The following ACOT7 variants were observed in gnomAD, a reference collection of about 807,000 sequenced individuals.
The protein encoded by ACOT7 is acyl-CoA thioesterase 7, also known as cytosolic acyl coenzyme A thioester hydrolase.
Under a neutral mutation model 40.2 loss-of-function variants are expected in ACOT7, and 12 were observed. The observed-to-expected ratio is 0.30, with a 90% CI of 0.19 to 0.48. The LOEUF is 0.48. Among genes scored for constraint, ACOT7 ranks in the 20% least tolerant of loss-of-function variants. The pLI, the probability that ACOT7 is intolerant of heterozygous loss-of-function variation, is 0.99. For missense variants in ACOT7, 395 were observed against 530.8 expected, an observed-to-expected ratio of 0.74 and a Z score of 2.51; for synonymous variants, 228 against 219.5, an observed-to-expected ratio of 1.04 and a Z score of -0.34.
intron 2 of ACOT7, among the ~76,000 whole-genome samples, chr1:6,346,584 C>T (rs1338158788): frequency 2.0e-5 from 3 of 152,214 alleles, no homozygotes; most frequent in Non-Finnish European, 4.4e-5. Context: ...CTCGTGCGGA[C>T]GTGCCTTTGG....
chr1:6,269,325 G>A (rs1275359439), intron 8 of ACOT7, among the ~76,000 whole-genome samples: 3 of 152,200 alleles, frequency 2.0e-5, no homozygotes, highest in African/African-American at 4.8e-5. Flanking sequence ...AGGGTCAGGG[G>A]CTTCCCTGCC....
chr1:6,333,392 T>G (rs574115062), intron 4 of ACOT7, 85 bp downstream of exon 4: 1 of 1,487,726 alleles, frequency 6.7e-7, no homozygotes. Context: ...TTGAGACCCT[T>G]AGCTGAACGA....
rs147677798 is a variant in ACOT7, at chr1:6,275,974, C to A, written c.1014+5128G>T. Among the ~76,000 whole-genome samples, 24 of 152,316 alleles carry A rather than the reference C, an allele frequency of 1.6e-4. No individual in the cohort carries two copies. Among genetic ancestry groups the A allele is most frequent in the Non-Finnish European group, 2.8e-4 (19 of 68,032 alleles). ...AGCCTCGGCTAATCTGGGGACACAT[C>A]CCCTCCCCAGTGTGCCCAGGAAGCA... On this transcript the variant is annotated intron_variant, in intron 8 of 8. Coordinates refer to ENST00000361521, the MANE Select transcript of ACOT7 (RefSeq NM_007274.4). This position sits in a 1 kb window ranked among gnomAD's most constrained non-coding sequence, Gnocchi z 5.6.
At position 6,278,837 on chromosome 1, in the gene ACOT7, G is replaced by T. The variant is rs765550523; in HGVS notation, c.1014+2265C>A. 5.9e-5 allele frequency among the ~76,000 whole-genome samples: 9 copies of T among 152,208 alleles called. No homozygotes were observed. Among genetic ancestry groups the T allele is most frequent in the Non-Finnish European group, 1.0e-4 (7 of 68,044 alleles). ...GAGCGCAGGCTTCACTGAGGGCCTG[G>T]TCAGCTGTGCTACAGACAGGGAGCG... On this transcript the variant is annotated intron_variant, in intron 8 of 8. Coordinates refer to ENST00000361521, the MANE Select transcript of ACOT7 (RefSeq NM_007274.4). The surrounding 1 kb of genome is among the most constrained non-coding windows in gnomAD (Gnocchi z 4.1).
At chr1:6,335,719 G>T (rs1571318951) in intron 3 of ACOT7, among the ~76,000 whole-genome samples, 1 of 152,298 alleles carries the variant, frequency 6.6e-6, no homozygotes, top group East Asian at 1.9e-4. Context: ...TCAAGCCCCA[G>T]GGGGCCCATT....
rs930214558 is a variant in ACOT7, at chr1:6,299,998, G to A, written c.713-5018C>T. Among the ~76,000 whole-genome samples, 5 of 152,198 alleles carry A rather than the reference G, an allele frequency of 3.3e-5. No individual in the cohort carries two copies. The highest frequency in any genetic ancestry group is 6.5e-5 in the Admixed American group (1 of 15,286). On this transcript the variant is annotated intron_variant, in intron 6 of 8. Transcript: ENST00000361521. The surrounding 1 kb of genome is among the most constrained non-coding windows in gnomAD (Gnocchi z 4.1). ...ATTTATATTCAGAAAATGGCAACCT[G>A]GTGATGAAGTGACAACAGCTGAGCA...
At position 6,299,640 on chromosome 1, in the gene ACOT7, CAG is replaced by C. The variant is rs57181755; in HGVS notation, c.713-4662_713-4661del. Among the ~76,000 whole-genome samples the C allele has an allele frequency of 0.094, 13,748 of 146,610 alleles. 1,010 individuals are homozygous for C. Among genetic ancestry groups the C allele is most frequent in the African/African-American group, 0.21 (8,542 of 40,686 alleles). On this transcript the variant is annotated intron_variant, in intron 6 of 8. Coordinates refer to ENST00000361521, the MANE Select transcript of ACOT7 (RefSeq NM_007274.4). This position sits in a 1 kb window ranked among gnomAD's most constrained non-coding sequence, Gnocchi z 4.1. ...CTGACTAGGTACTAGGTCATGGCTT[CAG>C]AGAGAGAGAGAGAGAGAGCGCAAGT...
intron 6 of ACOT7, among the ~76,000 whole-genome samples, chr1:6,313,074 C>G (rs1276704321): frequency 6.6e-6 from 1 of 152,154 alleles, no homozygotes; most frequent in African/African-American, 2.4e-5. Flanking sequence ...CTGGGGTGAC[C>G]CCAGTGAGCC....
At chr1:6,329,633 C>T (rs1640901048) in intron 4 of ACOT7, among the ~76,000 whole-genome samples, 1 of 152,048 alleles carries the variant, frequency 6.6e-6, no homozygotes, top group South Asian at 2.1e-4. Flanking sequence ...GCCTCCTCCC[C>T]AATGCTGCCT....
At chr1:6,369,446 G>A (rs1405777763) in intron 1 of ACOT7, among the ~76,000 whole-genome samples, 7 of 123,602 alleles carry the variant, frequency 5.7e-5, no homozygotes, top group African/African-American at 9.7e-5. Context: ...TCACTCTGTC[G>A]CCCAGGCTGG....
rs1390117030 is a variant in ACOT7 at position 6,359,797 on chromosome 1, G to C, written c.144-9931C>G. ...CTGTGACCAGCAAGGGAAATGGAAA[G>C]TCCCCAGCCAGAGTGCAGGCCGCAC... On this transcript the variant is annotated intron_variant, in intron 1 of 8. Coordinates refer to ENST00000361521, the MANE Select transcript of ACOT7 (RefSeq NM_007274.4). This position sits in a 1 kb window ranked among gnomAD's most constrained non-coding sequence, Gnocchi z 4.1. Among the ~76,000 whole-genome samples the C allele has an allele frequency of 6.6e-6, 1 of 152,230 alleles. No individual in the cohort carries two copies. The highest frequency in any genetic ancestry group is 1.5e-5 in the Non-Finnish European group (1 of 68,050).
rs969477934 is a variant in ACOT7 at position 6,294,166 on chromosome 1, G to C, written c.829+698C>G. Reference sequence around the variant, plus strand: ...CTGTGAGGCAGTGCTGCTGCAGGGGGTGCACGGCCTCATCTCAGCAGACGT... The same window carrying C: ...CTGTGAGGCAGTGCTGCTGCAGGGGCTGCACGGCCTCATCTCAGCAGACGT... On this transcript the variant is annotated intron_variant, in intron 7 of 8. Transcript: ENST00000361521. The surrounding 1 kb of genome is among the most constrained non-coding windows in gnomAD (Gnocchi z 4.6). 6.6e-6 allele frequency among the ~76,000 whole-genome samples: 1 copy of C among 152,234 alleles called. No individual in the cohort carries two copies. Among genetic ancestry groups the C allele is most frequent in the African/African-American group, 2.4e-5 (1 of 41,464 alleles).
At chr1:6,342,100 C>T (rs1641292562) in intron 2 of ACOT7, among the ~76,000 whole-genome samples, 1 of 152,220 alleles carries the variant, frequency 6.6e-6, no homozygotes, top group South Asian at 2.1e-4. Context: ...TTATTTCTCA[C>T]AGTCCTGGAG....
At position 6,393,532 on chromosome 1, in the gene ACOT7, G is replaced by A. The variant is rs908562189; in HGVS notation, c.-133C>T. ...CACCCCGAGCCCCGCCTCCCAGGCC[G>A]CCAAGGCTGCAGAGAGCTCGCGCGG... On this transcript the variant is annotated 5_prime_UTR_variant, in exon 1 of 9. Coordinates refer to ENST00000361521, the MANE Select transcript of ACOT7 (RefSeq NM_007274.4). 1.5e-5 allele frequency: 12 copies of A among 815,296 alleles called. No individual in the cohort carries two copies. The highest frequency in any genetic ancestry group is 1.5e-4 in the African/African-American group (8 of 55,126). The allele number at this position is 815,296 out of a possible 1,614,324, so 50.5% of individuals were successfully genotyped here. A position where few individuals can be genotyped will look rare whatever the true frequency, so the allele number is the denominator to read the frequency against.
chr1:6,279,900 C>G (rs1639303765), intron 8 of ACOT7, among the ~76,000 whole-genome samples: 1 of 152,194 alleles, frequency 6.6e-6, no homozygotes, highest in Non-Finnish European at 1.5e-5. Flanking sequence ...GACTCGGCGG[C>G]CCTCCTCAGC....
intron 7 of ACOT7, 45 bp from the exon 8 acceptor site, chr1:6,281,331 G>A (rs779303400): frequency 2.7e-5 from 42 of 1,563,304 alleles, no homozygotes; most frequent in African/African-American, 1.7e-4. Flanking sequence ...TCCACCCCAC[G>A]GCTGGGCGGG....
chr1:6,292,921 A>C (rs1201902256), intron 7 of ACOT7, among the ~76,000 whole-genome samples: 7 of 122,264 alleles, frequency 5.7e-5, no homozygotes, highest in African/African-American at 1.3e-4. Flanking sequence ...ACGGAGTCTC[A>C]CTCTGTCGCC....
At chr1:6,303,012 C>A (rs1055915272) in intron 6 of ACOT7, among the ~76,000 whole-genome samples, 5 of 151,092 alleles carry the variant, frequency 3.3e-5, no homozygotes, top group Non-Finnish European at 7.4e-5. Context: ...CCACCTGGGC[C>A]CCTGCCTTGC....
intron 8 of ACOT7, among the ~76,000 whole-genome samples, chr1:6,273,676 A>T (rs546863146): frequency 6.6e-6 from 1 of 152,382 alleles, no homozygotes; most frequent in African/African-American, 2.4e-5. Context: ...TCAACAATTA[A>T]AAAATTATTC....
Sources: gnomAD v4.1 joint callset for allele counts (sites outside exome capture counted in the v4.1 genomes callset) on GRCh38, gnomAD v4.1.1 for gene constraint, Gnocchi (gnomAD v3.1) non-coding constraint, MANE v1.5 for transcripts, NCBI Gene and HGNC (gene_info 2026-07-23, HGNC 2026-07-21) for gene names.